Variants in AHI1 observed in about 807,000 individuals in gnomAD.
The protein encoded by AHI1 is jouberin.
A neutral mutation model predicts 149.3 loss-of-function variants in AHI1; 123 were observed. That is an observed-to-expected ratio of 0.82 (90% confidence interval 0.71 to 0.96). The LOEUF (loss-of-function observed/expected upper bound fraction) is 0.96. AHI1 is among the 40% of genes least tolerant of loss of function. The pLI, the probability that AHI1 is intolerant of heterozygous loss-of-function variation, is 0.00. For missense variants in AHI1, 1,439 were observed against 1,422.7 expected, an observed-to-expected ratio of 1.01 and a Z score of -0.18; for synonymous variants, 475 against 459.8, an observed-to-expected ratio of 1.03 and a Z score of -0.42.
At chr6:135,446,869 T>C (rs1787318800) in intron 13 of AHI1, 139 bp downstream of exon 13, 7 of 883,192 alleles carry the variant, frequency 7.9e-6, no homozygotes, top group South Asian at 4.7e-5. Flanking sequence ...AATTAATTAA[T>C]GGAAAGGCAA....
chr6:135,340,658 C>T (rs2746422), intron 24 of AHI1, among the ~76,000 whole-genome samples: 21,643 of 36,342 alleles, frequency 0.6, 5,377 homozygotes, highest in East Asian at 0.7. Flanking sequence ...TACATACATA[C>T]ATATATATAT....
At chr6:135,357,216 C>G (rs557279685) in intron 24 of AHI1, among the ~76,000 whole-genome samples, 2 of 152,190 alleles carry the variant, frequency 1.3e-5, no homozygotes, top group Non-Finnish European at 2.9e-5. Context: ...GGATTACAGG[C>G]GTGAGCCACT....
intron 14 of AHI1, among the ~76,000 whole-genome samples, chr6:135,441,209 G>A (rs1018552543): frequency 1.3e-5 from 2 of 151,768 alleles, no homozygotes; most frequent in African/African-American, 4.8e-5. Flanking sequence ...TAATTCACTA[G>A]AGGGGCTCAA....
intron 22 of AHI1, among the ~76,000 whole-genome samples, chr6:135,400,049 C>T (rs1287633510): frequency 6.6e-6 from 1 of 152,078 alleles, no homozygotes; most frequent in Non-Finnish European, 1.5e-5. Context: ...TCTCTCCTCC[C>T]ACCCTTTGCC....
At chr6:135,345,581 C>T (rs1289949645) in intron 24 of AHI1, among the ~76,000 whole-genome samples, 3 of 151,932 alleles carry the variant, frequency 2.0e-5, no homozygotes, top group African/African-American at 7.3e-5. Context: ...AAAGGCTACA[C>T]AGTGCGTTTA....
At position 135,465,912 on chromosome 6, in the gene AHI1, A is replaced by G; in HGVS notation, c.651T>C (p.Thr217=). 1 of 1,596,812 alleles carries G rather than the reference A, an allele frequency of 6.3e-7. No individual in the cohort carries two copies. Among genetic ancestry groups the G allele is most frequent in the Non-Finnish European group, 8.5e-7 (1 of 1,172,564 alleles). ...GGAATAAAGTATCTGAGGGAAAGTA[A>G]GTCAACTGTTCTTTCAGTTTCTTTC... is the stretch of plus-strand genomic sequence containing the variant. ...KIRKKLKEQL[T]YFPSDTLFHD... is the part of the protein sequence containing the mutation. Residue 217 remains threonine, a synonymous_variant, in exon 7 of 29, where the codon ACT becomes ACC. Coordinates refer to ENST00000265602, the MANE Select transcript of AHI1 (RefSeq NM_001134831.2).
At chr6:135,351,738 A>C (rs374680910) in intron 24 of AHI1, among the ~76,000 whole-genome samples, 1 of 152,248 alleles carries the variant, frequency 6.6e-6, no homozygotes, top group Non-Finnish European at 1.5e-5. Flanking sequence ...GGTACACCAC[A>C]GGATCTTAAA....
intron 23 of AHI1, among the ~76,000 whole-genome samples, chr6:135,384,605 A>G (rs1777307875): frequency 6.6e-6 from 1 of 152,198 alleles, no homozygotes; most frequent in African/African-American, 2.4e-5. Context: ...AATCATGATG[A>G]TGAAATGCCA....
At chr6:135,361,361 A>C (rs1482759202) in intron 23 of AHI1, among the ~76,000 whole-genome samples, 2 of 152,162 alleles carry the variant, frequency 1.3e-5, no homozygotes, top group African/African-American at 4.8e-5. Context: ...CCAGGCTTTC[A>C]CATGAGATCA....
chr6:135,433,274 G>T lies in AHI1; in HGVS notation c.2037-18C>A. ...TCCATATCCTGGAAAAGGATAAGAA[G>T]TTACATATTGCTTCTGAAAAGCAGA... On this transcript the variant is annotated intron_variant, in intron 15 of 28. Coordinates refer to ENST00000265602, the MANE Select transcript of AHI1 (RefSeq NM_001134831.2). 1 of 1,530,306 alleles carries T rather than the reference G, an allele frequency of 6.5e-7. No individual in the cohort carries two copies. Among genetic ancestry groups the T allele is most frequent in the Admixed American group, 1.7e-5 (1 of 58,086 alleles). The allele number at this position is 1,530,306 out of a possible 1,614,324, so 94.8% of individuals were successfully genotyped here.
intron 13 of AHI1, among the ~76,000 whole-genome samples, chr6:135,445,237 A>T (rs1355589021): frequency 6.6e-6 from 1 of 152,262 alleles, no homozygotes; most frequent in Non-Finnish European, 1.5e-5. Flanking sequence ...TTATTTCTAC[A>T]TTAGATGTTT....
At chr6:135,477,626 A>G (rs1792895691) in intron 5 of AHI1, among the ~76,000 whole-genome samples, 1 of 151,682 alleles carries the variant, frequency 6.6e-6, no homozygotes, top group African/African-American at 2.4e-5. Flanking sequence ...GCAAGATCTG[A>G]TTGCTTGAAA....
At chr6:135,292,692 C>T (rs1782516877) in intron 27 of AHI1, among the ~76,000 whole-genome samples, 1 of 151,980 alleles carries the variant, frequency 6.6e-6, no homozygotes, top group Non-Finnish European at 1.5e-5. Context: ...ACTGGCCTTA[C>T]TAGACAAAGA....
At chr6:135,288,217 A>C (rs1583504633) in intron 28 of AHI1, among the ~76,000 whole-genome samples, 1 of 152,102 alleles carries the variant, frequency 6.6e-6, no homozygotes, top group East Asian at 1.9e-4. Flanking sequence ...GCAGGGGAGG[A>C]AAAAAATGTG....
chr6:135,448,797 T>C (rs1048629929), intron 11 of AHI1, among the ~76,000 whole-genome samples: 11 of 152,200 alleles, frequency 7.2e-5, no homozygotes, highest in African/African-American at 2.4e-4. Flanking sequence ...TACACATGTT[T>C]GAAATAATTA....
chr6:135,472,215 C>T (rs1791862039), intron 5 of AHI1, among the ~76,000 whole-genome samples: 1 of 152,040 alleles, frequency 6.6e-6, no homozygotes, highest in Admixed American at 6.6e-5. Context: ...TGCTCTGACC[C>T]TACTCAACCA....
intron 23 of AHI1, among the ~76,000 whole-genome samples, chr6:135,387,210 A>G (rs1777736260): frequency 6.6e-6 from 1 of 152,118 alleles, no homozygotes; most frequent in Non-Finnish European, 1.5e-5. Context: ...GAGAGGAAAA[A>G]CTACAGGTTG....
chr6:135,345,080 T>A (rs1046983965), intron 24 of AHI1, among the ~76,000 whole-genome samples: 1 of 152,178 alleles, frequency 6.6e-6, no homozygotes, highest in African/African-American at 2.4e-5. Context: ...AAATGTCATT[T>A]CAGAAGATGC....
At chr6:135,343,851 T>C (rs1790746280) in intron 24 of AHI1, among the ~76,000 whole-genome samples, 2 of 152,002 alleles carry the variant, frequency 1.3e-5, no homozygotes, top group South Asian at 2.1e-4. Context: ...GTTTCTTAGA[T>C]ATAACATCAT....
Sources: allele counts gnomAD v4.1 joint callset (sites outside exome capture counted in the v4.1 genomes callset), GRCh38; gene constraint gnomAD v4.1.1; transcripts MANE v1.5; gene names NCBI Gene and HGNC (gene_info 2026-07-23, HGNC 2026-07-21).